Variants in TPCN1 observed in about 807,000 individuals in gnomAD.
The protein encoded by TPCN1 is two pore segment channel 1.
Under a neutral mutation model 108.8 loss-of-function variants are expected in TPCN1, and 52 were observed. That is an observed-to-expected ratio of 0.48 (90% confidence interval 0.38 to 0.60). The LOEUF is 0.60. TPCN1 is among the 20% of genes least tolerant of loss of function. The pLI is 0.00. For missense variants in TPCN1, 806 were observed against 1,072.8 expected, an observed-to-expected ratio of 0.75 and a Z score of 3.47; for synonymous variants, 446 against 433.7, an observed-to-expected ratio of 1.03 and a Z score of -0.35.
chr12:113,249,109 C>T (rs888048114), intron 2 of TPCN1, among the ~76,000 whole-genome samples: 6 of 152,176 alleles, frequency 3.9e-5, no homozygotes, highest in Admixed American at 1.3e-4. Flanking sequence ...CATTCAGCAC[C>T]GGTATGGCCA....
chr12:113,266,289 C>A lies in TPCN1; in HGVS notation c.347C>A (p.Ala116Asp), dbSNP rs762423826. The part of the protein sequence containing the change: ...HLFYLMELAT[A>D]LLLLLLSLCE... ...TTCTACCTGATGGAGCTGGCCACGG[C>A]CCTGCTGCTGCTGCTGCTCTCCCTG... is the stretch of plus-strand genomic sequence containing the variant. Residue 116 changes from alanine (A) to aspartate (D), a missense_variant, in exon 4 of 28, where the codon GCC (alanine) becomes GAC (aspartate). By Grantham distance (126) the Ala-to-Asp change is moderately radical. Coordinates refer to ENST00000335509, the MANE Select transcript of TPCN1 (RefSeq NM_017901.6). This position sits in a 1 kb window ranked among gnomAD's most constrained non-coding sequence, Gnocchi z 4.2. 6.2e-7 allele frequency: 1 copy of A among 1,613,460 alleles called. No individual in the cohort carries two copies. The highest frequency in any genetic ancestry group is 8.5e-7 in the Non-Finnish European group (1 of 1,180,020).
chr12:113,249,826 A>G (rs1347829284), intron 2 of TPCN1: 1 of 152,236 alleles, frequency 6.6e-6, no homozygotes, highest in African/African-American at 2.4e-5. Context: ...GACACCGCCC[A>G]CAGTTAGAGT....
intron 13 of TPCN1, 47 bp downstream of exon 13, chr12:113,278,284 C>T: frequency 1.3e-6 from 2 of 1,562,944 alleles, no homozygotes; most frequent in Non-Finnish European, 1.8e-6. Context: ...GAGAGGTCCC[C>T]ACGTGGGGCA....
chr12:113,269,817 G>A lies in TPCN1; in HGVS notation c.720G>A (p.Leu240=). ...PPFMDILLLL[L]FFMIIFAILG... ...TCATGGACATCCTCCTGCTGCTGCT[G>A]TTCTTCATGATCATCTTTGCCATCC... The change falls in exon 7 of 28, where the codon CTG becomes CTA. Residue 240 remains leucine (L), a synonymous_variant. Coordinates refer to ENST00000335509, the MANE Select transcript of TPCN1 (RefSeq NM_017901.6). This position sits in a 1 kb window ranked among gnomAD's most constrained non-coding sequence, Gnocchi z 5.0. 6.2e-7 allele frequency: 1 copy of A among 1,613,948 alleles called. No individual in the cohort carries two copies. The highest frequency in any genetic ancestry group is 8.5e-7 in the Non-Finnish European group (1 of 1,180,010).
intron 2 of TPCN1, among the ~76,000 whole-genome samples, chr12:113,259,483 A>G (rs965931909): frequency 1.3e-5 from 2 of 152,194 alleles, no homozygotes; most frequent in African/African-American, 4.8e-5. Flanking sequence ...TTTGGAAATT[A>G]AGGGGTAGAT....
At position 113,260,390 on chromosome 12, in the gene TPCN1, C is replaced by T. The variant is rs776201956; in HGVS notation, c.135C>T (p.His45=). ...CAGATGGCGGCAGCTATGCCATCCA[C>T]GACTCCCAGGCCCCCAGTCTCAGCT... The part of the protein sequence containing the change: ...PSKNGGSYAI[H]DSQAPSLSSG... Residue 45 remains histidine (H), a synonymous_variant, in exon 3 of 28, where the codon CAC becomes CAT. Coordinates refer to ENST00000335509, the MANE Select transcript of TPCN1 (RefSeq NM_017901.6). 4.9e-5 allele frequency: 74 copies of T among 1,506,822 alleles called. No homozygotes were observed. Among genetic ancestry groups the T allele is most frequent in the South Asian group, 1.0e-4 (8 of 76,684 alleles). The allele number at this position is 1,506,822 out of a possible 1,614,324, so 93.3% of individuals were successfully genotyped here.
chr12:113,238,970 AG>A (rs1953999159), intron 2 of TPCN1, among the ~76,000 whole-genome samples: 1 of 152,126 alleles, frequency 6.6e-6, no homozygotes, highest in South Asian at 2.1e-4. Flanking sequence ...ATTTCTAAAA[AG>A]AAGTTAAAAA....
chr12:113,282,772 C>A (rs1201258375), intron 15 of TPCN1, among the ~76,000 whole-genome samples: 1 of 148,070 alleles, frequency 6.8e-6, no homozygotes, highest in Non-Finnish European at 1.5e-5. Flanking sequence ...GAAAAAAAAA[C>A]CCAAATTTTG....
In TPCN1 at chr12:113,291,128, G is replaced by T. The variant is rs546133073; in HGVS notation, c.1959+130G>T. The T allele has an allele frequency of 8.7e-5, 78 of 901,176 alleles. No individual in the cohort carries two copies. In the South Asian group the frequency reaches 1.1e-3, roughly 13 times the overall value. 55.8% of individuals were successfully genotyped at this position (901,176 alleles called of 1,614,324 possible). On this transcript the variant is annotated intron_variant, in intron 23 of 27. Transcript: ENST00000335509. ...TGGGGGTCTTGAGTCATGCTGTGTTGGTGTTCAGTGGGGAGGCCACAGGAT... is the reference window on the plus strand; with the variant it reads ...TGGGGGTCTTGAGTCATGCTGTGTTTGTGTTCAGTGGGGAGGCCACAGGAT...
intron 2 of TPCN1, among the ~76,000 whole-genome samples, chr12:113,246,829 T>A (rs1336326879): frequency 1.3e-5 from 2 of 152,186 alleles, no homozygotes; most frequent in Non-Finnish European, 2.9e-5. Flanking sequence ...TGGTCCGTAA[T>A]GAGCACCAGT....
At chr12:113,223,923 C>T (rs192344789) in intron 1 of TPCN1, among the ~76,000 whole-genome samples, 1 of 152,280 alleles carries the variant, frequency 6.6e-6, no homozygotes, top group South Asian at 2.1e-4. Context: ...AAAAAAAATA[C>T]TCTTTTCCCC....
At chr12:113,295,056 G>A (rs1007141584) in intron 27 of TPCN1, among the ~76,000 whole-genome samples, 1 of 152,186 alleles carries the variant, frequency 6.6e-6, no homozygotes, top group African/African-American at 2.4e-5. Context: ...CAGAAACATG[G>A]AAATAATAGA....
At chr12:113,291,088 C>T (rs902041512) in intron 23 of TPCN1, 90 bp downstream of exon 23, 202 of 1,280,456 alleles carry the variant, frequency 1.6e-4, no homozygotes, top group Non-Finnish European at 2.1e-4. Context: ...TAATTCTTCC[C>T]GTAGCTTGCA....
In TPCN1 at chr12:113,266,392, G is replaced by A. The variant is rs1461050354; in HGVS notation, c.414+36G>A. ...ATGCTCCTCATACGGGGGGCTGGGA[G>A]CCACGGCTTTCAGGGCAAGCGATGG... On this transcript the variant is annotated intron_variant, in intron 4 of 27. Coordinates refer to ENST00000335509, the MANE Select transcript of TPCN1 (RefSeq NM_017901.6). This position sits in a 1 kb window ranked among gnomAD's most constrained non-coding sequence, Gnocchi z 4.2. 1 of 1,595,218 alleles carries A rather than the reference G, an allele frequency of 6.3e-7. No homozygotes were observed. Among genetic ancestry groups the A allele is most frequent in the East Asian group, 2.2e-5 (1 of 44,744 alleles).
At chr12:113,240,382 C>T (rs1394361574) in intron 2 of TPCN1, among the ~76,000 whole-genome samples, 1 of 152,090 alleles carries the variant, frequency 6.6e-6, no homozygotes, top group Non-Finnish European at 1.5e-5. Context: ...TTCTGAGTGT[C>T]GCGCAGTCTG....
At chr12:113,260,561 G>A (rs1168333902) in intron 3 of TPCN1, 69 bp downstream of exon 3, 2 of 1,512,796 alleles carry the variant, frequency 1.3e-6, no homozygotes, top group African/African-American at 2.9e-5. Flanking sequence ...CCAAGACTCT[G>A]TTAGGTGCCC....
intron 2 of TPCN1, among the ~76,000 whole-genome samples, chr12:113,251,723 A>T (rs1272593799): frequency 6.6e-6 from 1 of 152,226 alleles, no homozygotes; most frequent in Non-Finnish European, 1.5e-5. Flanking sequence ...AGGGAGAGGG[A>T]TGTAGCAGCA....
At chr12:113,278,612 G>A (rs1593181601) in intron 13 of TPCN1, among the ~76,000 whole-genome samples, 160 bp from the exon 14 acceptor site, 1 of 152,118 alleles carries the variant, frequency 6.6e-6, no homozygotes, top group Non-Finnish European at 1.5e-5. Context: ...GTAAACGCTC[G>A]GTACACACTG....
At position 113,280,282 on chromosome 12, in the gene TPCN1, A is replaced by G. The variant is rs1326222854; in HGVS notation, c.1342+87A>G. The G allele has an allele frequency of 3.6e-6, 4 of 1,125,106 alleles. No individual in the cohort carries two copies. The African/African-American group carries it at 4.6e-5, about 13-fold the overall frequency. 69.7% of individuals were successfully genotyped at this position (1,125,106 alleles called of 1,614,324 possible). On this transcript the variant is annotated intron_variant, in intron 15 of 27. Coordinates refer to ENST00000335509, the MANE Select transcript of TPCN1 (RefSeq NM_017901.6). ...GCGGGAGAGGCAAGAGATTGGTCCT[A>G]GAGTCCTGTGTTTGACTTTTTATTG... is the stretch of plus-strand genomic sequence containing the variant.
Sources: allele counts gnomAD v4.1 joint callset (sites outside exome capture counted in the v4.1 genomes callset), GRCh38; gene constraint gnomAD v4.1.1; non-coding constraint Gnocchi (gnomAD v3.1); transcripts MANE v1.5; gene names NCBI Gene and HGNC (gene_info 2026-07-23, HGNC 2026-07-21).